The following NAP1L4 variants were observed in gnomAD, a reference collection of about 807,000 sequenced individuals.
NAP1L4 encodes the protein nucleosome assembly protein 1 like 4, also known as nucleosome assembly protein 1-like 4.
A neutral mutation model predicts 58.2 loss-of-function variants in NAP1L4; 15 were observed. The ratio of observed to expected loss-of-function variants is 0.26; its 90% CI spans 0.17 to 0.40. The LOEUF is 0.40. Ranked by LOEUF, NAP1L4 falls within the 10% of genes least tolerant of loss-of-function variation. The pLI is 1.00. For missense variants in NAP1L4, 384 were observed against 451.1 expected (o/e 0.85, Z 1.35); for synonymous variants, 171 against 155.6 (o/e 1.10, Z -0.74).
In NAP1L4 at chr11:2,980,860, TACA is replaced by T. The variant is rs1432373740; in HGVS notation, c.-17-1626_-17-1624del. ...AACGTGCTATTTTTAAGATTCAAAA[TACA>T]ACAAATATTACACATTGTCTTTTTC... On this transcript the variant is annotated intron_variant, in intron 1 of 15. Transcript: ENST00000380542. 2.6e-5 allele frequency among the ~76,000 whole-genome samples: 4 copies of T among 152,008 alleles called. No homozygotes were observed. The East Asian group carries it at 5.8e-4, about 22-fold the overall frequency.
intron 1 of NAP1L4, among the ~76,000 whole-genome samples, chr11:2,985,676 T>C (rs1848576078): frequency 6.6e-6 from 1 of 152,178 alleles, no homozygotes; most frequent in Admixed American, 6.5e-5. Flanking sequence ...ACATCATAAA[T>C]ATAATTTTGT....
chr11:2,967,596 G>T (rs538555063), intron 7 of NAP1L4, among the ~76,000 whole-genome samples: 26 of 145,842 alleles, frequency 1.8e-4, no homozygotes, highest in African/African-American at 6.7e-4. Context: ...GGGCGACAGA[G>T]CGAGACTCCG....
intron 3 of NAP1L4, among the ~76,000 whole-genome samples, chr11:2,976,772 T>C (rs1220718010): frequency 6.6e-6 from 1 of 152,212 alleles, no homozygotes; most frequent in Admixed American, 6.5e-5. Flanking sequence ...TATAAGCCCA[T>C]TTCCCAATAA....
chr11:2,947,446 C>T (rs766035362), intron 15 of NAP1L4, among the ~76,000 whole-genome samples: 2 of 152,202 alleles, frequency 1.3e-5, no homozygotes, highest in African/African-American at 2.4e-5. Context: ...CTGCCTCCCC[C>T]GTGCCTTGAG....
At position 2,951,971 on chromosome 11, in the gene NAP1L4, T is replaced by G. The variant is rs1846252629; in HGVS notation, c.1036-162A>C. The G allele has an allele frequency of 1.2e-5, 8 of 677,880 alleles. No homozygotes were observed. The highest frequency in any genetic ancestry group is 2.4e-5 in the Admixed American group (1 of 41,070). 42.0% of individuals were successfully genotyped at this position (677,880 alleles called of 1,614,324 possible). A position where few individuals can be genotyped will look rare whatever the true frequency, so the allele number is the denominator to read the frequency against. On this transcript the variant is annotated intron_variant, in intron 12 of 15. Coordinates refer to ENST00000380542, the MANE Select transcript of NAP1L4 (RefSeq NM_005969.4). The surrounding 1 kb of genome is among the most constrained non-coding windows in gnomAD (Gnocchi z 4.0). The stretch of plus-strand genomic sequence containing the variant: ...GCTTGCCTGAGGAGCCATTTGCTTG[T>G]GTGCAGCGCATTTTAAAAGCATGCC...
chr11:2,945,512 G>A lies in NAP1L4; in HGVS notation c.*167C>T. The A allele has an allele frequency of 1.9e-6, 2 of 1,050,702 alleles. No individual in the cohort carries two copies. The highest frequency in any genetic ancestry group is 2.7e-6 in the Non-Finnish European group (2 of 732,444). The allele number at this position is 1,050,702 out of a possible 1,614,324, so 65.1% of individuals were successfully genotyped here. A position where few individuals can be genotyped will look rare whatever the true frequency, so the allele number is the denominator to read the frequency against. ...CTTGAAAACGAGTTAGATGGAGTAAGCTCTGTCCACGGGATTGTGCTGCGG... is the reference window on the plus strand; with the variant it reads ...CTTGAAAACGAGTTAGATGGAGTAAACTCTGTCCACGGGATTGTGCTGCGG... On this transcript the variant is annotated 3_prime_UTR_variant, in exon 16 of 16. Transcript: ENST00000380542.
rs1212166328 is a variant in NAP1L4 at position 2,949,386 on chromosome 11, CG to C, written c.1123-123del. ...CAAAAGGGCTGCAAGATACTGAACTCGGGGTGAACAACTTCAACACTAGATC... is the reference window on the plus strand; with the variant it reads ...CAAAAGGGCTGCAAGATACTGAACTCGGGTGAACAACTTCAACACTAGATC... On this transcript the variant is annotated intron_variant, in intron 14 of 15. Coordinates refer to ENST00000380542, the MANE Select transcript of NAP1L4 (RefSeq NM_005969.4). The surrounding 1 kb of genome is among the most constrained non-coding windows in gnomAD (Gnocchi z 4.0). The C allele has an allele frequency of 6.3e-6, 5 of 790,476 alleles. No individual in the cohort carries two copies. The highest frequency in any genetic ancestry group is 2.1e-5 in the Admixed American group (1 of 48,664). The allele number at this position is 790,476 out of a possible 1,614,324, so 49.0% of individuals were successfully genotyped here.
At chr11:2,952,100 C>T (rs899569325) in intron 12 of NAP1L4, 1 of 494,518 alleles carries the variant, frequency 2.0e-6, no homozygotes, top group Non-Finnish European at 3.6e-6. Flanking sequence ...TCTGCCCTGG[C>T]TGTTCTCACA....
At chr11:2,972,870 C>G (rs562449158) in intron 4 of NAP1L4, among the ~76,000 whole-genome samples, 1 of 152,190 alleles carries the variant, frequency 6.6e-6, no homozygotes, top group East Asian at 1.9e-4. Flanking sequence ...ACTCAGGAGG[C>G]TGAGGTGGGA....
intron 3 of NAP1L4, among the ~76,000 whole-genome samples, chr11:2,977,544 GAACAA>G (rs770564355): frequency 2.6e-5 from 4 of 152,150 alleles, no homozygotes; most frequent in African/African-American, 7.2e-5. Context: ...GATGACTCTA[GAACAA>G]AACAAAACGC....
chr11:2,968,115 C>G (rs978348306), intron 7 of NAP1L4, among the ~76,000 whole-genome samples: 3 of 152,188 alleles, frequency 2.0e-5, no homozygotes, highest in Non-Finnish European at 2.9e-5. Context: ...GAACCAGAAT[C>G]CGCACTGCCA....
chr11:2,947,994 C>A (rs890317140), intron 15 of NAP1L4, among the ~76,000 whole-genome samples: 4 of 152,150 alleles, frequency 2.6e-5, no homozygotes, highest in Admixed American at 6.5e-5. Flanking sequence ...GGGAGGCATA[C>A]TGAAATACGG....
intron 5 of NAP1L4, 81 bp downstream of exon 5, chr11:2,972,021 C>A: frequency 7.2e-7 from 1 of 1,383,230 alleles, no homozygotes; most frequent in South Asian, 1.7e-5. Context: ...TAGATGTTGT[C>A]AACTTATAAT....
rs771279543 is a variant in NAP1L4 at position 2,976,137 on chromosome 11, A to C, written c.74-14T>G. 4 of 1,598,768 alleles carry C rather than the reference A, an allele frequency of 2.5e-6. No individual in the cohort carries two copies. The African/African-American group carries it at 4.0e-5, about 16-fold the overall frequency. On this transcript the variant is annotated splice_polypyrimidine_tract_variant and intron_variant, in intron 3 of 15. Transcript: ENST00000380542. ...CTGTGAGCTTTTCTATGAAGAGTTA[A>C]GACCAAACATATTTAAAATATGCCC...
At chr11:2,977,008 G>A (rs952068905) in intron 3 of NAP1L4, among the ~76,000 whole-genome samples, 1 of 152,144 alleles carries the variant, frequency 6.6e-6, no homozygotes, top group Non-Finnish European at 1.5e-5. Flanking sequence ...CATGATGTGG[G>A]TAAGTCAAAC....
At chr11:2,970,299 G>A (rs967519780) in intron 6 of NAP1L4, among the ~76,000 whole-genome samples, 10 of 152,038 alleles carry the variant, frequency 6.6e-5, no homozygotes, top group African/African-American at 2.2e-4. Flanking sequence ...CAACCTTAAG[G>A]AGATGCAATG....
rs1846081347 is a variant in NAP1L4, at chr11:2,948,956, T to A, written c.*32+271A>T. 7.2e-5 allele frequency among the ~76,000 whole-genome samples: 11 copies of A among 152,156 alleles called. No individual in the cohort carries two copies. The highest frequency in any genetic ancestry group is 7.2e-4 in the Admixed American group (11 of 15,280). On this transcript the variant is annotated intron_variant, in intron 15 of 15. Transcript: ENST00000380542. This position sits in a 1 kb window ranked among gnomAD's most constrained non-coding sequence, Gnocchi z 5.1. Reference sequence around the variant, plus strand: ...TGCTGACCATCCAGGGCCCTCTTACTGGAAAGCAGTACCATCAGCAATGAA... The same window carrying A: ...TGCTGACCATCCAGGGCCCTCTTACAGGAAAGCAGTACCATCAGCAATGAA...
At position 2,944,709 on chromosome 11, in the gene NAP1L4, C is replaced by G. The variant is rs1845848830; in HGVS notation, c.*970G>C. On this transcript the variant is annotated 3_prime_UTR_variant, in exon 16 of 16. Transcript: ENST00000380542. ...GCTACTGAGAAAGCAGGACTTGACG[C>G]TCATACGCTCCACTGAAACGCAGGA... is the stretch of plus-strand genomic sequence containing the variant. 1 of 152,238 alleles carries G rather than the reference C, an allele frequency of 6.6e-6. No individual in the cohort carries two copies. Among genetic ancestry groups the G allele is most frequent in the African/African-American group, 2.4e-5 (1 of 41,444 alleles). The allele number at this position is 152,238 out of a possible 1,614,324, so 9.4% of individuals were successfully genotyped here.
intron 4 of NAP1L4, 69 bp from the exon 5 acceptor site, chr11:2,972,312 A>T: frequency 1.4e-6 from 2 of 1,394,376 alleles, no homozygotes; most frequent in Non-Finnish European, 1.9e-6. Flanking sequence ...TTTCAATTTT[A>T]TTAAAATAAA....
Sources: gnomAD v4.1 joint callset for allele counts (sites outside exome capture counted in the v4.1 genomes callset) on GRCh38, gnomAD v4.1.1 for gene constraint, Gnocchi (gnomAD v3.1) non-coding constraint, MANE v1.5 for transcripts, NCBI Gene and HGNC (gene_info 2026-07-23, HGNC 2026-07-21) for gene names.